The following MYT1L variants were observed in gnomAD, a reference collection of about 807,000 sequenced individuals.
MYT1L encodes the protein myelin transcription factor 1-like protein.
A neutral mutation model predicts 126.7 loss-of-function variants in MYT1L; 12 were observed. That is an observed-to-expected ratio of 0.09 (90% CI 0.06 to 0.15). The LOEUF (loss-of-function observed/expected upper bound fraction) is 0.15, where lower values mean the gene tolerates loss of function less well. Ranked by LOEUF, MYT1L falls within the 10% of genes least tolerant of loss-of-function variation. The pLI is 1.00. For synonymous variants in MYT1L, 541 were observed against 604.2 expected (o/e 0.90, Z 1.53); for missense variants, 979 against 1,585.2 (o/e 0.62, Z 6.49).
At chr2:1,907,289 AT>A (rs2051213303) in intron 13 of MYT1L, among the ~76,000 whole-genome samples, 1 of 152,132 alleles carries the variant, frequency 6.6e-6, no homozygotes, top group African/African-American at 2.4e-5. Flanking sequence ...GAATGGGTTG[AT>A]TTTTAAGGTT....
intron 1 of MYT1L, among the ~76,000 whole-genome samples, chr2:2,291,032 A>G: frequency 6.6e-6 from 1 of 152,028 alleles, no homozygotes; most frequent in Non-Finnish European, 1.5e-5. Flanking sequence ...ATAAAAATCA[A>G]TTTAGATTAT....
At chr2:2,207,921 G>A (rs1032413365) in intron 2 of MYT1L, among the ~76,000 whole-genome samples, 5 of 152,096 alleles carry the variant, frequency 3.3e-5, no homozygotes, top group Non-Finnish European at 7.4e-5. Flanking sequence ...TGCCCACCCC[G>A]AAGCACGTCT....
At chr2:1,867,270 A>G (rs1022467762) in intron 18 of MYT1L, among the ~76,000 whole-genome samples, 1 of 151,866 alleles carries the variant, frequency 6.6e-6, no homozygotes, top group Non-Finnish European at 1.5e-5. Context: ...CTTGCTGGAA[A>G]TGAACCGAGG....
At chr2:2,104,102 T>C (rs989171633) in intron 3 of MYT1L, among the ~76,000 whole-genome samples, 2 of 152,236 alleles carry the variant, frequency 1.3e-5, no homozygotes, top group African/African-American at 4.8e-5. Context: ...TTTTGTTACA[T>C]TCATGAACAT....
intron 14 of MYT1L, among the ~76,000 whole-genome samples, chr2:1,902,075 A>C (rs534197622): frequency 6.6e-6 from 1 of 152,376 alleles, no homozygotes; most frequent in East Asian, 1.9e-4. Context: ...TTACACCCCA[A>C]GTCCCAATTG....
At chr2:1,951,969 T>C (rs1006129219) in intron 8 of MYT1L, among the ~76,000 whole-genome samples, 2 of 152,252 alleles carry the variant, frequency 1.3e-5, no homozygotes, top group Non-Finnish European at 2.9e-5. Context: ...CAAACGTATA[T>C]ACTAATAAAA....
intron 2 of MYT1L, among the ~76,000 whole-genome samples, chr2:2,281,690 A>G (rs1402403570): frequency 6.6e-6 from 1 of 152,252 alleles, no homozygotes; most frequent in Non-Finnish European, 1.5e-5. Flanking sequence ...CATAGAACCT[A>G]GAACATGTTC....
rs779983229 is a variant in MYT1L at position 1,839,267 on chromosome 2, C to T, written c.2962G>A (p.Gly988Arg). 4.3e-6 allele frequency: 7 copies of T among 1,613,796 alleles called. No individual in the cohort carries two copies. Among genetic ancestry groups the T allele is most frequent in the Non-Finnish European group, 5.1e-6 (6 of 1,179,904 alleles). Residue 988 changes from glycine to arginine, a missense_variant, in exon 21 of 25, where the codon GGG becomes AGG. Around this residue, in one of 12 missense-constraint regions of MYT1L, gnomAD observed 179 missense variants for 398.6 expected, o/e 0.45. Transcript: ENST00000647738. ...CPLAAKRQKD[G>R]YLNGSQFSWK... ...GAGAACTGGGAGCCATTCAGGTACC[C>T]GTCTTTCTGCCTCTTGGCCGCCAAG...
At chr2:2,116,910 G>A (rs2080288766) in intron 3 of MYT1L, among the ~76,000 whole-genome samples, 1 of 152,238 alleles carries the variant, frequency 6.6e-6, no homozygotes, top group Admixed American at 6.5e-5. Context: ...GCAGTTGTCA[G>A]AAGACTCCAG....
chr2:1,905,902 T>G (rs948223666), intron 13 of MYT1L, among the ~76,000 whole-genome samples: 1 of 152,234 alleles, frequency 6.6e-6, no homozygotes, highest in African/African-American at 2.4e-5. Flanking sequence ...TCCTAACTTA[T>G]TTTCCACAAG....
At chr2:2,138,734 A>C (rs1355570109) in intron 3 of MYT1L, among the ~76,000 whole-genome samples, 3 of 145,770 alleles carry the variant, frequency 2.1e-5, no homozygotes, top group Non-Finnish European at 4.5e-5. Context: ...TGGGAGATAT[A>C]CCTAATGCTA....
At chr2:1,837,910 TTTG>T (rs1572712345) in intron 21 of MYT1L, among the ~76,000 whole-genome samples, 2 of 151,268 alleles carry the variant, frequency 1.3e-5, no homozygotes, top group East Asian at 3.9e-4. Flanking sequence ...TTGTCTTTTG[TTTG>T]TTTGTTTGTT....
At chr2:2,049,383 T>C (rs1266523796) in intron 4 of MYT1L, among the ~76,000 whole-genome samples, 1 of 152,216 alleles carries the variant, frequency 6.6e-6, no homozygotes. Context: ...AATACCTGCA[T>C]ATGGCTTTGT....
Position 1,939,347 on chromosome 2 carries a change from C to T in MYT1L, c.505+3635G>A, listed in dbSNP as rs148218702. On this transcript the variant is annotated intron_variant, in intron 9 of 24. Coordinates refer to ENST00000647738, the MANE Select transcript of MYT1L (RefSeq NM_001303052.2). The stretch of plus-strand genomic sequence containing the variant: ...CCCAAGGAACATGAAAGGCCAGCCT[C>T]GGGATGCTGACCCAGAACTCCAGCG... Among the ~76,000 whole-genome samples the T allele has an allele frequency of 8.5e-5, 13 of 152,276 alleles. No homozygotes were observed. In the East Asian group the frequency reaches 1.7e-3, roughly 20 times the overall value.
chr2:1,870,893 A>T (rs2046194275), intron 18 of MYT1L, among the ~76,000 whole-genome samples: 1 of 152,172 alleles, frequency 6.6e-6, no homozygotes, highest in Non-Finnish European at 1.5e-5. Context: ...GTGTGTGGAG[A>T]CCCAGCTCTG....
chr2:1,937,750 T>C (rs892500853), intron 9 of MYT1L, among the ~76,000 whole-genome samples: 1 of 148,634 alleles, frequency 6.7e-6, no homozygotes, highest in African/African-American at 2.5e-5. Context: ...AGATGGCAAG[T>C]CGAGAAGGCC....
At chr2:2,235,532 C>T (rs1484914241) in intron 2 of MYT1L, among the ~76,000 whole-genome samples, 1 of 152,216 alleles carries the variant, frequency 6.6e-6, no homozygotes, top group Non-Finnish European at 1.5e-5. Context: ...TCTCTTACCT[C>T]CAGCCCTGTG....
chr2:2,253,700 T>A (rs1022505614), intron 2 of MYT1L, among the ~76,000 whole-genome samples: 3 of 151,180 alleles, frequency 2.0e-5, no homozygotes, highest in South Asian at 2.1e-4. Flanking sequence ...GGAGAGCAAG[T>A]CGGAAACAGG....
At chr2:2,218,370 A>C (rs1003645765) in intron 2 of MYT1L, among the ~76,000 whole-genome samples, 7 of 152,246 alleles carry the variant, frequency 4.6e-5, no homozygotes, top group African/African-American at 1.7e-4. Context: ...AGGCAGTGGA[A>C]TACTAATTGA....
Sources: allele counts gnomAD v4.1 joint callset (sites outside exome capture counted in the v4.1 genomes callset), GRCh38; gene constraint gnomAD v4.1.1; regional missense constraint gnomAD v4.1.1; transcripts MANE v1.5; gene names NCBI Gene and HGNC (gene_info 2026-07-23, HGNC 2026-07-21).